The following VEZT variants were observed in gnomAD, a reference collection of about 807,000 sequenced individuals.
The protein encoded by VEZT is vezatin, adherens junctions transmembrane protein.
VEZT carries 39 observed loss-of-function variants against 79.9 expected under a neutral mutation model. The observed-to-expected ratio is 0.49, with a 90% CI of 0.38 to 0.64. The LOEUF (loss-of-function observed/expected upper bound fraction) is 0.64, where lower values mean the gene tolerates loss of function less well. Among genes scored for constraint, VEZT ranks in the 30% least tolerant of loss-of-function variants. The probability of loss-of-function intolerance (pLI) is 0.00; values close to 1 mark genes in which losing one functional copy is unlikely to be tolerated. For synonymous variants in VEZT, 325 were observed against 327.6 expected (o/e 0.99, Z 0.09); for missense variants, 837 against 893.1 (o/e 0.94, Z 0.80).
intron 2 of VEZT, 68 bp downstream of exon 2, chr12:95,252,139 TTC>T: frequency 6.6e-7 from 1 of 1,504,900 alleles, no homozygotes. Context: ...ATTCAGATAC[TTC>T]TTAAGCACTT....
intron 6 of VEZT, among the ~76,000 whole-genome samples, chr12:95,272,716 T>A (rs1036429438): frequency 2.6e-5 from 4 of 152,232 alleles, no homozygotes; most frequent in African/African-American, 7.2e-5. Context: ...GGATAGTATA[T>A]GCAGCTGCAC....
At chr12:95,252,836 G>C (rs2062833066) in intron 2 of VEZT, among the ~76,000 whole-genome samples, 2 of 152,110 alleles carry the variant, frequency 1.3e-5, no homozygotes, top group Admixed American at 1.3e-4. Flanking sequence ...GTGGTGGCGG[G>C]CGCCTGTAAT....
At chr12:95,281,939 AAT>A (rs1263634881) in intron 7 of VEZT, among the ~76,000 whole-genome samples, 2 of 151,332 alleles carry the variant, frequency 1.3e-5, no homozygotes, top group African/African-American at 2.4e-5. Flanking sequence ...GAGAGAAAAA[AAT>A]ATATATATAT....
intron 3 of VEZT, chr12:95,258,435 C>A: frequency 3.4e-6 from 1 of 296,536 alleles, no homozygotes; most frequent in South Asian, 3.2e-5. Flanking sequence ...CCTTTTGTGC[C>A]TATATTATGG....
At chr12:95,256,115 G>A (rs545536167) in intron 2 of VEZT, among the ~76,000 whole-genome samples, 24 of 151,956 alleles carry the variant, frequency 1.6e-4, no homozygotes, top group African/African-American at 4.3e-4. Context: ...GCAATGGCGC[G>A]ATCTCGGCTC....
At chr12:95,289,739 A>T (rs2072213886) in intron 9 of VEZT, among the ~76,000 whole-genome samples, 1 of 152,246 alleles carries the variant, frequency 6.6e-6, no homozygotes, top group African/African-American at 2.4e-5. Flanking sequence ...TTTAAGAAGC[A>T]GGTACTTTAG....
chr12:95,276,239 CTTTTTCTTTTAATT>C (rs2067685865), intron 7 of VEZT, among the ~76,000 whole-genome samples: 1 of 113,224 alleles, frequency 8.8e-6, no homozygotes, highest in Non-Finnish European at 2.0e-5. Context: ...TTTTGTTTTT[CTTTTTCTTTTAATT>C]TTTTTCTTTT....
intron 1 of VEZT, chr12:95,218,202 G>A (rs1025155541): frequency 2.3e-5 from 6 of 257,984 alleles, no homozygotes; most frequent in Non-Finnish European, 4.4e-5. Context: ...ACTGCGCCCG[G>A]CTGGGGCGGG....
chr12:95,275,675 A>C (rs1053501466), intron 7 of VEZT: 1 of 147,982 alleles, frequency 6.8e-6, no homozygotes, highest in Non-Finnish European at 1.5e-5. Flanking sequence ...AAGAGTTTTA[A>C]TTTTTTTTTT....
intron 6 of VEZT, 77 bp from the exon 7 acceptor site, chr12:95,274,665 T>C: frequency 7.0e-7 from 1 of 1,429,046 alleles, no homozygotes; most frequent in Non-Finnish European, 9.3e-7. Flanking sequence ...GATTAGGGAA[T>C]GTGATATAGG....
chr12:95,224,655 A>T (rs375796606), intron 1 of VEZT, among the ~76,000 whole-genome samples: 1 of 152,224 alleles, frequency 6.6e-6, no homozygotes, highest in African/African-American at 2.4e-5. Flanking sequence ...TGAAGAGCTG[A>T]AAGCTTGTAA....
intron 9 of VEZT, among the ~76,000 whole-genome samples, chr12:95,290,504 C>G (rs1464621587): frequency 6.6e-6 from 1 of 152,140 alleles, no homozygotes; most frequent in African/African-American, 2.4e-5. Context: ...GAATGAATCT[C>G]AATACATTAT....
At position 95,251,993 on chromosome 12, in the gene VEZT, A is replaced by G. The variant is rs376496279; in HGVS notation, c.90A>G (p.Ile30Met). ...ATCTGGGACACACAGACTTTGAAAT[A>G]TGTTCTTCTTTGTCACCAAAAACAG... ...LQDLGHTDFE[I>M]CSSLSPKTEK... Residue 30 changes from isoleucine to methionine, a missense_variant, in exon 2 of 12, where the codon ATA (isoleucine) becomes ATG (methionine). Transcript: ENST00000436874. 33 of 1,612,694 alleles carry G rather than the reference A, an allele frequency of 2.0e-5. No homozygotes were observed. Among genetic ancestry groups the G allele is most frequent in the Non-Finnish European group, 2.5e-5 (30 of 1,179,376 alleles).
chr12:95,233,452 T>C (rs888918558), intron 1 of VEZT, among the ~76,000 whole-genome samples: 18 of 152,166 alleles, frequency 1.2e-4, no homozygotes, highest in African/African-American at 4.1e-4. Flanking sequence ...GAGGCTGGAG[T>C]GCAGTGGCAC....
intron 1 of VEZT, among the ~76,000 whole-genome samples, chr12:95,220,254 A>G (rs2057364574): frequency 6.6e-6 from 1 of 152,162 alleles, no homozygotes; most frequent in Non-Finnish European, 1.5e-5. Flanking sequence ...CAGGAGTTTG[A>G]GATTAGCCTG....
intron 3 of VEZT, among the ~76,000 whole-genome samples, chr12:95,257,556 A>G (rs1349531127): frequency 6.6e-6 from 1 of 152,202 alleles, no homozygotes; most frequent in Non-Finnish European, 1.5e-5. Flanking sequence ...AGTGGGATCA[A>G]TTCAATCTGT....
At chr12:95,256,833 G>A (rs147359925) in intron 2 of VEZT, among the ~76,000 whole-genome samples, 88 of 152,222 alleles carry the variant, frequency 5.8e-4, no homozygotes, top group Admixed American at 1.9e-3. Context: ...GGATAAATGG[G>A]CTGCTTCAGA....
chr12:95,260,687 T>C (rs1020704703), intron 3 of VEZT, among the ~76,000 whole-genome samples: 8 of 152,232 alleles, frequency 5.3e-5, no homozygotes, highest in Non-Finnish European at 1.2e-4. Context: ...AAAGGTATGG[T>C]CTAAAGCTTT....
In VEZT at chr12:95,294,470, A is replaced by T. The variant is rs931190504; in HGVS notation, c.1623+98A>T. The T allele has an allele frequency of 1.2e-5, 12 of 990,236 alleles. No individual in the cohort carries two copies. The African/African-American group carries it at 1.5e-4, about 12-fold the overall frequency. The allele number at this position is 990,236 out of a possible 1,614,324, so 61.3% of individuals were successfully genotyped here. Reference sequence around the variant, plus strand: ...TATATTGAATTTATATCAGATCATTAGTTCTTAGTGCTTAACTCTGAATTC... The same window carrying T: ...TATATTGAATTTATATCAGATCATTTGTTCTTAGTGCTTAACTCTGAATTC... On this transcript the variant is annotated intron_variant, in intron 10 of 11. Coordinates refer to ENST00000436874, the MANE Select transcript of VEZT (RefSeq NM_017599.4).
Sources: gnomAD v4.1 joint callset for allele counts (sites outside exome capture counted in the v4.1 genomes callset) on GRCh38, gnomAD v4.1.1 for gene constraint, MANE v1.5 for transcripts, NCBI Gene and HGNC (gene_info 2026-07-23, HGNC 2026-07-21) for gene names.